The following NEDD4 variants were observed in gnomAD, a reference collection of about 807,000 sequenced individuals.
NEDD4 encodes the protein NEDD4 E3 ubiquitin protein ligase, also known as E3 ubiquitin-protein ligase NEDD4.
In NEDD4, 99 loss-of-function variants were observed where a neutral mutation model predicts 144.9. The ratio of observed to expected loss-of-function variants is 0.68; its 90% CI spans 0.58 to 0.81. NEDD4 has a LOEUF of 0.81. Among genes scored for constraint, NEDD4 ranks in the 30% least tolerant of loss-of-function variants. The probability of loss-of-function intolerance (pLI) is 0.00; values close to 1 mark genes in which losing one functional copy is unlikely to be tolerated. For synonymous variants in NEDD4, 318 were observed against 350.6 expected (o/e 0.91, Z 1.04); for missense variants, 985 against 1,065.9 (o/e 0.92, Z 1.06).
chr15:55,892,914 T>A (rs1440063390), intron 5 of NEDD4, among the ~76,000 whole-genome samples: 6 of 152,180 alleles, frequency 3.9e-5, no homozygotes, highest in Non-Finnish European at 4.4e-5. Context: ...AGATTGTCAA[T>A]CTAAATTCAG....
chr15:55,986,330 A>C (rs1330151554), intron 1 of NEDD4, among the ~76,000 whole-genome samples: 1 of 152,152 alleles, frequency 6.6e-6, no homozygotes, highest in Non-Finnish European at 1.5e-5. Context: ...ATCAATTATA[A>C]AGAGAAAAAA....
intron 4 of NEDD4, among the ~76,000 whole-genome samples, chr15:55,928,840 G>A (rs1409643898): frequency 6.6e-6 from 1 of 152,176 alleles, no homozygotes; most frequent in Non-Finnish European, 1.5e-5. Context: ...ACTTATTCAT[G>A]TTGCTTTTTG....
At chr15:55,884,516 G>T (rs2035318123) in intron 5 of NEDD4, among the ~76,000 whole-genome samples, 3 of 152,094 alleles carry the variant, frequency 2.0e-5, no homozygotes, top group African/African-American at 4.8e-5. Flanking sequence ...GAATTCAAAA[G>T]AGTTGTTTTG....
At chr15:55,963,128 C>CT (rs754905603) in intron 2 of NEDD4, among the ~76,000 whole-genome samples, 13 of 142,656 alleles carry the variant, frequency 9.1e-5, no homozygotes, top group African/African-American at 1.8e-4. Context: ...TTCTGGCACT[C>CT]TTTTTTATTT....
intron 5 of NEDD4, among the ~76,000 whole-genome samples, chr15:55,897,019 A>T (rs1430612002): frequency 6.6e-6 from 1 of 152,040 alleles, no homozygotes; most frequent in African/African-American, 2.4e-5. Flanking sequence ...TGTTGCCCAG[A>T]CCGGAGTGCA....
intron 5 of NEDD4, among the ~76,000 whole-genome samples, chr15:55,922,278 A>T (rs34223710): frequency 0.069 from 10,534 of 152,300 alleles, 472 homozygotes; most frequent in Non-Finnish European, 0.1. Context: ...CACAAATATA[A>T]TGTTAAGCAA....
intron 6 of NEDD4, 87 bp from the exon 7 acceptor site, chr15:55,872,563 G>C (rs1395783178): frequency 2.1e-6 from 1 of 476,930 alleles, no homozygotes; most frequent in African/African-American, 2.1e-5. Context: ...ATCACCTAAG[G>C]CATAATTTAA....
chr15:55,848,613 G>T, intron 15 of NEDD4, 38 bp from the exon 16 acceptor site: 1 of 1,555,426 alleles, frequency 6.4e-7, no homozygotes, highest in Admixed American at 1.7e-5. Context: ...TTTAGGAGAG[G>T]GGCGTAGATG....
intron 27 of NEDD4, 58 bp downstream of exon 27, chr15:55,832,950 C>T (rs1319371661): frequency 4.4e-6 from 5 of 1,145,368 alleles, no homozygotes; most frequent in East Asian, 4.7e-5. Context: ...ATTCGTCAGC[C>T]ATGAAAAAGA....
At chr15:55,855,509 C>T (rs2034155086) in intron 12 of NEDD4, among the ~76,000 whole-genome samples, 1 of 152,166 alleles carries the variant, frequency 6.6e-6, no homozygotes, top group Admixed American at 6.5e-5. Context: ...GTTTCAAAAA[C>T]AAGTAGGGCT....
At chr15:55,838,388 C>G (rs1044929778) in intron 22 of NEDD4, 121 bp downstream of exon 22, 26 of 775,756 alleles carry the variant, frequency 3.4e-5, no homozygotes, top group Non-Finnish European at 5.3e-5. Context: ...TCAGAGACAG[C>G]TTTTGTTACT....
rs531111887 is a variant in NEDD4 at position 55,936,957 on chromosome 15, T to C, written c.238-12258A>G. ...ACAGGCATGCGCCATGATGCCCAGC[T>C]GATTTTTGTATTTTTAGCAGAGATG... On this transcript the variant is annotated intron_variant, in intron 4 of 28. Transcript: ENST00000435532. 1.2e-4 allele frequency among the ~76,000 whole-genome samples: 18 copies of C among 152,236 alleles called. No individual in the cohort carries two copies. The South Asian group carries it at 3.7e-3, about 32-fold the overall frequency.
At chr15:55,898,475 G>T (rs1292453807) in intron 5 of NEDD4, among the ~76,000 whole-genome samples, 2 of 152,004 alleles carry the variant, frequency 1.3e-5, no homozygotes, top group African/African-American at 2.4e-5. Flanking sequence ...CTTAATTCAC[G>T]GGCAAGCAGC....
Position 55,827,885 on chromosome 15 carries a change from T to C in NEDD4, c.*2012A>G, listed in dbSNP as rs2032766258. 1 of 152,234 alleles carries C rather than the reference T, an allele frequency of 6.6e-6. No individual in the cohort carries two copies. The highest frequency in any genetic ancestry group is 1.5e-5 in the Non-Finnish European group (1 of 68,042). The allele number at this position is 152,234 out of a possible 1,614,324, so 9.4% of individuals were successfully genotyped here. On this transcript the variant is annotated 3_prime_UTR_variant, in exon 29 of 29. Coordinates refer to ENST00000435532, the MANE Select transcript of NEDD4 (RefSeq NM_006154.4). Reference sequence around the variant, plus strand: ...AGCACCTTCTGATTGTATAACACTTTACAAAGTACTTTTTGCTTTCTCATC... The same window carrying C: ...AGCACCTTCTGATTGTATAACACTTCACAAAGTACTTTTTGCTTTCTCATC...
At chr15:55,883,678 A>AAC (rs140836346) in intron 5 of NEDD4, among the ~76,000 whole-genome samples, 142 of 139,464 alleles carry the variant, frequency 1.0e-3, no homozygotes, top group African/African-American at 3.7e-3. Context: ...CAGGCATCTC[A>AAC]ACACACACAC....
At chr15:55,936,014 C>G (rs1355407541) in intron 4 of NEDD4, among the ~76,000 whole-genome samples, 1 of 151,718 alleles carries the variant, frequency 6.6e-6, no homozygotes, top group African/African-American at 2.4e-5. Context: ...CTGCAATGAC[C>G]AACCTTCTTC....
At chr15:55,915,288 C>T (rs757181958) in intron 5 of NEDD4, 3 of 1,557,430 alleles carry the variant, frequency 1.9e-6, no homozygotes, top group Non-Finnish European at 2.6e-6. Context: ...ACTTACCTTG[C>T]AAGAATTAGA....
intron 5 of NEDD4, among the ~76,000 whole-genome samples, chr15:55,908,046 G>A (rs2036156486): frequency 6.6e-6 from 1 of 152,132 alleles, no homozygotes; most frequent in South Asian, 2.1e-4. Context: ...GCATCACGTA[G>A]CTCCCACTCA....
At position 55,828,983 on chromosome 15, in the gene NEDD4, T is replaced by C. The variant is rs1488113873; in HGVS notation, c.*914A>G. 6.6e-6 allele frequency: 1 copy of C among 152,634 alleles called. No individual in the cohort carries two copies. Among genetic ancestry groups the C allele is most frequent in the Non-Finnish European group, 1.5e-5 (1 of 68,028 alleles). 9.5% of individuals were successfully genotyped at this position (152,634 alleles called of 1,614,324 possible). The stretch of plus-strand genomic sequence containing the variant: ...CATTTACTACATAATTGTACAAGTG[T>C]AAAGAATATCTAGTAAAGGCAAGTG... On this transcript the variant is annotated 3_prime_UTR_variant, in exon 29 of 29. Coordinates refer to ENST00000435532, the MANE Select transcript of NEDD4 (RefSeq NM_006154.4).
Sources: gnomAD v4.1 joint callset for allele counts (sites outside exome capture counted in the v4.1 genomes callset) on GRCh38, gnomAD v4.1.1 for gene constraint, MANE v1.5 for transcripts, NCBI Gene and HGNC (gene_info 2026-07-23, HGNC 2026-07-21) for gene names.